The following MSH4 variants were observed in gnomAD, a reference collection of about 807,000 sequenced individuals.
MSH4 encodes the protein mutS protein homolog 4.
A neutral mutation model predicts 113.7 loss-of-function variants in MSH4; 106 were observed. That is an observed-to-expected ratio of 0.93 (90% CI 0.80 to 1.10). The LOEUF is 1.10. Among genes scored for constraint, MSH4 ranks in the 50% least tolerant of loss-of-function variants. The pLI, the probability that MSH4 is intolerant of heterozygous loss-of-function variation, is 0.00. For synonymous variants in MSH4, 368 were observed against 380.2 expected (o/e 0.97, Z 0.37); for missense variants, 1,061 against 1,093.7 (o/e 0.97, Z 0.42).
At chr1:75,910,687 G>A (rs150336829) in intron 19 of MSH4, among the ~76,000 whole-genome samples, 1,606 of 151,790 alleles carry the variant, frequency 0.011, 13 homozygotes, top group Non-Finnish European at 0.017. Context: ...TTCTCACAGC[G>A]TCCATCATCA....
Position 75,805,905 on chromosome 1 carries a change from AATTGT to A in MSH4, c.428-1071_428-1067del, listed in dbSNP as rs576145200. On this transcript the variant is annotated intron_variant, in intron 2 of 19. Coordinates refer to ENST00000263187, the MANE Select transcript of MSH4 (RefSeq NM_002440.4). ...TTAGCCAATAATCATTATCATAATA[AATTGT>A]ATTGGTTAATTTATTGGTTATTATG... Among the ~76,000 whole-genome samples, 408 of 152,188 alleles carry A rather than the reference AATTGT, an allele frequency of 2.7e-3. 1 individual carries two copies. Among genetic ancestry groups the A allele is most frequent in the Non-Finnish European group, 3.8e-3 (260 of 68,000 alleles).
At chr1:75,878,430 G>T (rs762199727) in intron 11 of MSH4, 112 bp downstream of exon 11, 1 of 833,722 alleles carries the variant, frequency 1.2e-6, no homozygotes, top group Non-Finnish European at 1.8e-6. Context: ...TTTATTTTTC[G>T]TTACCAAAAC....
chr1:75,911,768 T>A (rs1008750097), intron 19 of MSH4, among the ~76,000 whole-genome samples: 1 of 152,072 alleles, frequency 6.6e-6, no homozygotes, highest in Non-Finnish European at 1.5e-5. Flanking sequence ...TATATGGTAA[T>A]CTTATTCTAC....
At chr1:75,901,248 A>G (rs1652499387) in intron 19 of MSH4, among the ~76,000 whole-genome samples, 1 of 152,148 alleles carries the variant, frequency 6.6e-6, no homozygotes, top group South Asian at 2.1e-4. Context: ...ATCGTACACT[A>G]GACTATTTCT....
intron 17 of MSH4, 114 bp downstream of exon 17, chr1:75,890,938 C>T (rs749218723): frequency 9.6e-6 from 9 of 936,316 alleles, no homozygotes; most frequent in Middle Eastern, 3.3e-4. Flanking sequence ...AGATAGTAAA[C>T]ACATATCATC....
In MSH4 at chr1:75,878,176, A is replaced by G; in HGVS notation, c.1398A>G (p.Lys466=). The change falls in exon 11 of 20, where the codon AAA becomes AAG. Residue 466 remains lysine (K), a synonymous_variant. Coordinates refer to ENST00000263187, the MANE Select transcript of MSH4 (RefSeq NM_002440.4). Reference sequence around the variant, plus strand: ...TTGGAATCATACTTGAAAAGATTAAAACAGTAATTAATGATGATGCAAGAT... The same window carrying G: ...TTGGAATCATACTTGAAAAGATTAAGACAGTAATTAATGATGATGCAAGAT... ...KRFGIILEKI[K]TVINDDARYM... is the part of the protein sequence containing the mutation. 4 of 1,604,600 alleles carry G rather than the reference A, an allele frequency of 2.5e-6. No individual in the cohort carries two copies. Among genetic ancestry groups the G allele is most frequent in the Non-Finnish European group, 3.4e-6 (4 of 1,176,782 alleles).
chr1:75,798,838 G>A (rs1021019393), intron 1 of MSH4, among the ~76,000 whole-genome samples: 1 of 152,128 alleles, frequency 6.6e-6, no homozygotes, highest in Non-Finnish European at 1.5e-5. Flanking sequence ...GATTACAGGT[G>A]TGAGCCACTG....
chr1:75,875,726 A>T (rs1223374649), intron 9 of MSH4, among the ~76,000 whole-genome samples: 1 of 152,164 alleles, frequency 6.6e-6, no homozygotes, highest in Non-Finnish European at 1.5e-5. Flanking sequence ...TTAAGAGCTG[A>T]TGCAGGTACT....
intron 9 of MSH4, among the ~76,000 whole-genome samples, chr1:75,875,707 T>TG (rs1651803626): frequency 6.6e-6 from 1 of 152,218 alleles, no homozygotes; most frequent in African/African-American, 2.4e-5. Context: ...TATTAGTTGT[T>TG]GCTGTCATTT....
At chr1:75,831,112 A>G (rs1172458587) in intron 7 of MSH4, among the ~76,000 whole-genome samples, 1 of 152,216 alleles carries the variant, frequency 6.6e-6, no homozygotes, top group Non-Finnish European at 1.5e-5. Context: ...AAGCAAATGG[A>G]AAACAAAAAA....
chr1:75,823,016 A>G (rs1285814056), intron 7 of MSH4, among the ~76,000 whole-genome samples: 1 of 152,190 alleles, frequency 6.6e-6, no homozygotes, highest in Non-Finnish European at 1.5e-5. Context: ...CAGTTCTGGA[A>G]GCTAGAAACT....
At chr1:75,849,432 G>A (rs1651140990) in intron 8 of MSH4, among the ~76,000 whole-genome samples, 1 of 152,054 alleles carries the variant, frequency 6.6e-6, no homozygotes, top group South Asian at 2.1e-4. Flanking sequence ...GAAAAGTCTT[G>A]CACATCAATA....
chr1:75,879,986 T>TA (rs1431510279), intron 12 of MSH4, 64 bp from the exon 13 acceptor site: 26 of 801,360 alleles, frequency 3.2e-5, no homozygotes. Context: ...TTCTGTTGTT[T>TA]AAAATCTTAC....
intron 7 of MSH4, among the ~76,000 whole-genome samples, chr1:75,842,237 A>G (rs879904518): frequency 6.6e-5 from 10 of 152,164 alleles, no homozygotes; most frequent in Non-Finnish European, 1.3e-4. Context: ...ATAAAGGATT[A>G]TGGGGACCAA....
At chr1:75,841,052 G>A (rs1399954365) in intron 7 of MSH4, among the ~76,000 whole-genome samples, 1 of 152,114 alleles carries the variant, frequency 6.6e-6, no homozygotes, top group Non-Finnish European at 1.5e-5. Context: ...CCTGTGCAAG[G>A]TATGTTGATG....
At chr1:75,873,239 G>T (rs1259187667) in intron 9 of MSH4, among the ~76,000 whole-genome samples, 5 of 152,020 alleles carry the variant, frequency 3.3e-5, no homozygotes, top group Non-Finnish European at 7.4e-5. Flanking sequence ...GAAATATTTT[G>T]TTATTCCTTG....
At chr1:75,854,077 A>C (rs1222313255) in intron 8 of MSH4, among the ~76,000 whole-genome samples, 4 of 145,834 alleles carry the variant, frequency 2.7e-5, no homozygotes, top group African/African-American at 9.9e-5. Flanking sequence ...GTATTTATCT[A>C]TACAATAGAA....
At chr1:75,861,312 A>G (rs911084290) in intron 8 of MSH4, among the ~76,000 whole-genome samples, 10 of 152,094 alleles carry the variant, frequency 6.6e-5, no homozygotes, top group African/African-American at 2.4e-4. Context: ...CTTGCTGGTG[A>G]GGAGTTGTGT....
intron 19 of MSH4, among the ~76,000 whole-genome samples, chr1:75,912,262 T>C (rs147547551): frequency 6.6e-6 from 1 of 152,170 alleles, no homozygotes; most frequent in East Asian, 1.9e-4. Flanking sequence ...GATAGCAGAG[T>C]AGTACTCTTT....
Sources: allele counts gnomAD v4.1 joint callset (sites outside exome capture counted in the v4.1 genomes callset), GRCh38; gene constraint gnomAD v4.1.1; transcripts MANE v1.5; gene names NCBI Gene and HGNC (gene_info 2026-07-23, HGNC 2026-07-21).